Variants in KLRF1 observed in about 807,000 individuals in gnomAD.
KLRF1 encodes killer cell lectin like receptor F1.
In KLRF1, 27 loss-of-function variants were observed where a neutral mutation model predicts 30.7. That is an observed-to-expected ratio of 0.88 (90% confidence interval 0.65 to 1.21). The LOEUF is 1.21. Among genes scored for constraint, KLRF1 ranks in the 50% most tolerant of loss-of-function variants. The pLI is 0.00. For missense variants in KLRF1, 246 were observed against 259.3 expected, an observed-to-expected ratio of 0.95 and a Z score of 0.35; for synonymous variants, 92 against 89.3, an observed-to-expected ratio of 1.03 and a Z score of -0.17.
intron 3 of KLRF1, among the ~76,000 whole-genome samples, chr12:9,837,039 G>T (rs1867592510): frequency 6.6e-6 from 1 of 151,950 alleles, no homozygotes; most frequent in South Asian, 2.1e-4. Flanking sequence ...TTCAAACGTT[G>T]TGAACTACCA....
At chr12:9,837,443 G>A (rs911102623) in intron 3 of KLRF1, among the ~76,000 whole-genome samples, 6 of 151,904 alleles carry the variant, frequency 3.9e-5, no homozygotes, top group African/African-American at 1.5e-4. Flanking sequence ...TATGCACAAT[G>A]TTTGTGTGTG....
chr12:9,811,425 T>TTTCACC, the KLRF1 span, among the ~76,000 whole-genome samples: 3 of 151,950 alleles, frequency 2.0e-5, no homozygotes, highest in South Asian at 6.2e-4. Flanking sequence ...ATTCCCTTTG[T>TTTCACC]TTCACCTTCA....
intron 3 of KLRF1, among the ~76,000 whole-genome samples, chr12:9,836,404 C>G (rs746969649): frequency 5.3e-5 from 8 of 152,234 alleles, no homozygotes; most frequent in African/African-American, 1.7e-4. Context: ...GCTGATATCT[C>G]TTGGTGCTAT....
Position 9,828,653 on chromosome 12 carries a change from A to G in KLRF1, c.85+1024A>G, listed in dbSNP as rs759577895. 2.6e-4 allele frequency among the ~76,000 whole-genome samples: 40 copies of G among 152,040 alleles called. 1 individual carries two copies. Among genetic ancestry groups the G allele is most frequent in the Non-Finnish European group, 5.4e-4 (37 of 67,996 alleles). On this transcript the variant is annotated intron_variant, in intron 1 of 5. Coordinates refer to ENST00000617889, the MANE Select transcript of KLRF1 (RefSeq NM_016523.3). ...TCTTTTAATAACTTCACCCATGAAA[A>G]TTTTACTTATCTCTTGAGTCCTTCC...
chr12:9,821,505 T>C, the KLRF1 span, among the ~76,000 whole-genome samples: 4 of 152,146 alleles, frequency 2.6e-5, no homozygotes, highest in Non-Finnish European at 5.9e-5. Context: ...AAACCCTGGT[T>C]TGGGCCCATA....
chr12:9,810,044 T>TC, the KLRF1 span, among the ~76,000 whole-genome samples: 1 of 152,160 alleles, frequency 6.6e-6, no homozygotes, highest in Non-Finnish European at 1.5e-5. Context: ...TCACTGAAAC[T>TC]CAGAGTTGTG....
the KLRF1 span, among the ~76,000 whole-genome samples, chr12:9,820,048 A>G: frequency 6.6e-6 from 1 of 152,122 alleles, no homozygotes; most frequent in South Asian, 2.1e-4. Context: ...CAGCTGCTTT[A>G]CAAGAAAGTG....
intron 3 of KLRF1, among the ~76,000 whole-genome samples, chr12:9,835,401 G>C (rs577382103): frequency 2.4e-4 from 37 of 152,168 alleles, no homozygotes; most frequent in Admixed American, 6.6e-4. Flanking sequence ...ACTGCGTAGA[G>C]GGGGAGGTTC....
At chr12:9,822,986 A>G (rs1867244122), upstream of KLRF1, among the ~76,000 whole-genome samples, 2 of 152,194 alleles carry the variant, frequency 1.3e-5, no homozygotes, top group Non-Finnish European at 2.9e-5. Context: ...TTAGCTACAA[A>G]GAGTCTTAAA....
At chr12:9,844,397 T>C (rs1327952105) in intron 5 of KLRF1, 21 bp from the exon 6 acceptor site, 2 of 1,258,872 alleles carry the variant, frequency 1.6e-6, no homozygotes, top group Non-Finnish European at 2.3e-6. Flanking sequence ...ATTAACAAAG[T>C]ATTTATTCTC....
In KLRF1 at chr12:9,841,903, T is replaced by C. The variant is rs1466970365; in HGVS notation, c.426T>C (p.Cys142=). The C allele has an allele frequency of 1.2e-6, 2 of 1,612,406 alleles. No homozygotes were observed. The highest frequency in any genetic ancestry group is 1.3e-5 in the African/African-American group (1 of 74,956). The change falls in exon 4 of 6, where the codon TGT becomes TGC. Residue 142 remains cysteine (C), a synonymous_variant. Transcript: ENST00000617889. ...GCTGGAGTGACAGTTATGTGTATTGTTTGGAAAGAAAATCTCATCTACTAA... is the reference window on the plus strand; with the variant it reads ...GCTGGAGTGACAGTTATGTGTATTGCTTGGAAAGAAAATCTCATCTACTAA... ...MKSWSDSYVY[C]LERKSHLLII... is the part of the protein sequence containing the mutation.
chr12:9,841,203 A>C (rs183571861), intron 3 of KLRF1, among the ~76,000 whole-genome samples: 40 of 152,282 alleles, frequency 2.6e-4, no homozygotes, highest in Admixed American at 2.5e-3. Context: ...TAGCAAACTA[A>C]TGCAGGAACA....
upstream of KLRF1, among the ~76,000 whole-genome samples, chr12:9,827,073 CAA>C (rs1338337909): frequency 1.3e-5 from 2 of 152,004 alleles, no homozygotes; most frequent in Non-Finnish European, 2.9e-5. Context: ...GATTTATAAA[CAA>C]TATTGTTTTA....
At chr12:9,833,215 A>C in intron 2 of KLRF1, 88 bp from the exon 3 acceptor site, 1 of 872,952 alleles carries the variant, frequency 1.1e-6, no homozygotes, top group South Asian at 2.7e-5. Flanking sequence ...TTCTTGTTCC[A>C]ATCATCGGAA....
At chr12:9,814,939 A>G in the KLRF1 span, among the ~76,000 whole-genome samples, 18 of 152,208 alleles carry the variant, frequency 1.2e-4, no homozygotes, top group East Asian at 3.8e-4. Flanking sequence ...TAGAGTGACT[A>G]TAGTTAACGA....
chr12:9,810,697 A>G, the KLRF1 span, among the ~76,000 whole-genome samples: 1 of 152,192 alleles, frequency 6.6e-6, no homozygotes, highest in Non-Finnish European at 1.5e-5. Context: ...CAAGCTTGCA[A>G]AAGTGTTTAT....
At chr12:9,842,129 C>T (rs1260604707) in intron 4 of KLRF1, among the ~76,000 whole-genome samples, 178 bp downstream of exon 4, 1 of 151,756 alleles carries the variant, frequency 6.6e-6, no homozygotes, top group African/African-American at 2.4e-5. Flanking sequence ...GGCCCAAATT[C>T]ATATATTCAA....
At chr12:9,817,690 C>A in the KLRF1 span, 1 of 245,526 alleles carries the variant, frequency 4.1e-6, no homozygotes, top group Non-Finnish European at 8.6e-6. Flanking sequence ...CTCAGTGGCT[C>A]CACTATATTT....
chr12:9,839,123 C>T (rs913955435), intron 3 of KLRF1, among the ~76,000 whole-genome samples: 2 of 152,034 alleles, frequency 1.3e-5, no homozygotes. Flanking sequence ...GATATTTATT[C>T]CTCACAGTTC....
Sources: gnomAD v4.1 joint callset for allele counts (sites outside exome capture counted in the v4.1 genomes callset) on GRCh38, gnomAD v4.1.1 for gene constraint, MANE v1.5 for transcripts, NCBI Gene and HGNC (gene_info 2026-07-23, HGNC 2026-07-21) for gene names.